Variants in PPFIA2 observed in about 807,000 individuals in gnomAD.
PPFIA2 encodes the protein PPFI scaffold protein A2, also known as liprin-alpha-2.
In PPFIA2, 46 loss-of-function variants were observed where a neutral mutation model predicts 175.5. The observed-to-expected ratio is 0.26, with a 90% confidence interval of 0.21 to 0.34. The LOEUF (loss-of-function observed/expected upper bound fraction) is 0.34, where lower values mean the gene tolerates loss of function less well. Among genes scored for constraint, PPFIA2 ranks in the 10% least tolerant of loss-of-function variants. The pLI, the probability that PPFIA2 is intolerant of heterozygous loss-of-function variation, is 1.00. For missense variants in PPFIA2, 1,179 were observed against 1,506.1 expected, an observed-to-expected ratio of 0.78 and a Z score of 3.60; for synonymous variants, 568 against 511.4, an observed-to-expected ratio of 1.11 and a Z score of -1.49.
intron 4 of PPFIA2, among the ~76,000 whole-genome samples, chr12:81,552,063 AAATT>A (rs1218837893): frequency 6.6e-6 from 1 of 151,688 alleles, no homozygotes; most frequent in Non-Finnish European, 1.5e-5. Context: ...TTAATAGATA[AAATT>A]AATAATTAAT....
At chr12:81,578,734 T>C (rs1182554693) in intron 4 of PPFIA2, among the ~76,000 whole-genome samples, 1 of 151,786 alleles carries the variant, frequency 6.6e-6, no homozygotes, top group African/African-American at 2.4e-5. Flanking sequence ...TTGCCCAAAG[T>C]CACATGGTTA....
At chr12:81,345,291 G>T (rs1288309172) in intron 18 of PPFIA2, among the ~76,000 whole-genome samples, 3 of 151,910 alleles carry the variant, frequency 2.0e-5, no homozygotes, top group African/African-American at 7.3e-5. Flanking sequence ...ATTATATTAG[G>T]TGTTAAGGAC....
At chr12:81,302,586 C>A in intron 22 of PPFIA2, 1 of 375,796 alleles carries the variant, frequency 2.7e-6, no homozygotes, top group Non-Finnish European at 5.4e-6. Flanking sequence ...TAGCATCTGT[C>A]TTAGGGCTGA....
At chr12:81,394,516 AG>A (rs1320003231) in intron 8 of PPFIA2, among the ~76,000 whole-genome samples, 4 of 152,072 alleles carry the variant, frequency 2.6e-5, no homozygotes, top group Non-Finnish European at 4.4e-5. Flanking sequence ...CAGTTCCAAA[AG>A]AATATGTGCC....
At chr12:81,583,556 T>A (rs2074735401) in intron 4 of PPFIA2, among the ~76,000 whole-genome samples, 1 of 151,902 alleles carries the variant, frequency 6.6e-6, no homozygotes, top group African/African-American at 2.4e-5. Context: ...TGTTTAAGAT[T>A]TATTAAAACA....
intron 4 of PPFIA2, among the ~76,000 whole-genome samples, chr12:81,561,577 T>C (rs2070091586): frequency 6.6e-6 from 1 of 152,184 alleles, no homozygotes; most frequent in Non-Finnish European, 1.5e-5. Context: ...AAAGGGCTCA[T>C]ATAGCTATCT....
chr12:81,706,007 A>G (rs1320849272), intron 3 of PPFIA2, among the ~76,000 whole-genome samples: 3 of 152,192 alleles, frequency 2.0e-5, no homozygotes, highest in African/African-American at 7.2e-5. Flanking sequence ...TACTATTAAA[A>G]GTATTTTTTT....
chr12:81,446,556 G>T (rs1379824169), intron 5 of PPFIA2, among the ~76,000 whole-genome samples: 2 of 152,200 alleles, frequency 1.3e-5, no homozygotes, highest in Non-Finnish European at 2.9e-5. Flanking sequence ...ATTATTTTCA[G>T]TTATTATAAT....
At chr12:81,729,037 C>T (rs938179940) in intron 3 of PPFIA2, among the ~76,000 whole-genome samples, 1 of 151,504 alleles carries the variant, frequency 6.6e-6, no homozygotes, top group Non-Finnish European at 1.5e-5. Flanking sequence ...CATCAAGACA[C>T]TTTCATTACG....
At chr12:81,340,852 A>G (rs1399703099) in intron 20 of PPFIA2, among the ~76,000 whole-genome samples, 3 of 152,116 alleles carry the variant, frequency 2.0e-5, no homozygotes, top group Admixed American at 2.0e-4. Context: ...ATTCTTATCT[A>G]TATTGACCAA....
chr12:81,656,535 C>T (rs1026119836), intron 4 of PPFIA2, among the ~76,000 whole-genome samples: 7 of 151,856 alleles, frequency 4.6e-5, no homozygotes, highest in Non-Finnish European at 8.8e-5. Flanking sequence ...AATAATTTTG[C>T]AGAAGGAGTT....
chr12:81,534,405 A>C (rs1431389996), intron 4 of PPFIA2, among the ~76,000 whole-genome samples: 1 of 151,674 alleles, frequency 6.6e-6, no homozygotes, highest in Non-Finnish European at 1.5e-5. Flanking sequence ...CCCTGATTTT[A>C]TTATTACATG....
intron 3 of PPFIA2, among the ~76,000 whole-genome samples, chr12:81,692,965 A>G (rs1455851043): frequency 6.6e-6 from 1 of 152,134 alleles, no homozygotes; most frequent in African/African-American, 2.4e-5. Flanking sequence ...AGTTGACAAT[A>G]ATGTTTAAAA....
At chr12:81,624,963 C>A (rs1229243426) in intron 4 of PPFIA2, among the ~76,000 whole-genome samples, 1 of 151,508 alleles carries the variant, frequency 6.6e-6, no homozygotes, top group Non-Finnish European at 1.5e-5. Flanking sequence ...ACTTGCACCC[C>A]AAAAACTATT....
At chr12:81,683,658 A>C (rs1190272425) in intron 3 of PPFIA2, among the ~76,000 whole-genome samples, 1 of 151,912 alleles carries the variant, frequency 6.6e-6, no homozygotes, top group Non-Finnish European at 1.5e-5. Context: ...AATATTCAAA[A>C]TTTGGCTTGT....
intron 3 of PPFIA2, among the ~76,000 whole-genome samples, chr12:81,697,852 A>G (rs2076065285): frequency 6.6e-6 from 1 of 152,126 alleles, no homozygotes; most frequent in Non-Finnish European, 1.5e-5. Context: ...TACTATTTCA[A>G]TTCAAGTCAG....
At chr12:81,409,215 A>C (rs1426562927) in intron 7 of PPFIA2, among the ~76,000 whole-genome samples, 1 of 152,112 alleles carries the variant, frequency 6.6e-6, no homozygotes, top group Non-Finnish European at 1.5e-5. Flanking sequence ...ACTGAGAGGG[A>C]ATGTTGTCAG....
Position 81,618,301 on chromosome 12 carries a change from T to A in PPFIA2, c.303+58490A>T, listed in dbSNP as rs572671884. Among the ~76,000 whole-genome samples the A allele has an allele frequency of 1.4e-4, 21 of 152,036 alleles. No individual in the cohort carries two copies. In the East Asian group the frequency reaches 2.3e-3, roughly 17 times the overall value. On this transcript the variant is annotated intron_variant, in intron 4 of 32. Transcript: ENST00000549396. ...TGTGTGTATTCGATGAGGAAATATA[T>A]TTTTTTCTGTTTTATTAACTGTTTC...
At position 81,358,085 on chromosome 12, in the gene PPFIA2, T is replaced by C. The variant is rs377427079; in HGVS notation, c.1770A>G (p.Pro590=). The change falls in exon 16 of 33, where the codon CCA becomes CCG. Residue 590 remains proline (P), a synonymous_variant. Transcript: ENST00000549396. ...GAGTTGAAGTTAAAAGATTAACCTT[T>C]GGCTCATCTCTTCGCACACCCATGC... ...RGRMGVRRDE[P]KVKSLGDHEW... is the part of the protein sequence containing the mutation. 8.2e-6 allele frequency: 13 copies of C among 1,595,030 alleles called. No individual in the cohort carries two copies. The African/African-American group carries it at 1.5e-4, about 18-fold the overall frequency.
Sources: gnomAD v4.1 joint callset for allele counts (sites outside exome capture counted in the v4.1 genomes callset) on GRCh38, gnomAD v4.1.1 for gene constraint, MANE v1.5 for transcripts, NCBI Gene and HGNC (gene_info 2026-07-23, HGNC 2026-07-21) for gene names.